The following MINK1 variants were observed in gnomAD, a reference collection of about 807,000 sequenced individuals.
The protein encoded by MINK1 is misshapen like kinase 1, also known as misshapen-like kinase 1.
A neutral mutation model predicts 178.4 loss-of-function variants in MINK1; 46 were observed. The observed-to-expected ratio is 0.26, with a 90% CI of 0.20 to 0.33. The LOEUF (loss-of-function observed/expected upper bound fraction) is 0.33, where lower values mean the gene tolerates loss of function less well. Among genes scored for constraint, MINK1 ranks in the 10% least tolerant of loss-of-function variants. The probability of loss-of-function intolerance (pLI) is 1.00; values close to 1 mark genes in which losing one functional copy is unlikely to be tolerated. For missense variants in MINK1, 1,366 were observed against 1,814.9 expected (o/e 0.75, Z 4.49); for synonymous variants, 797 against 709.7 (o/e 1.12, Z -1.96).
Position 4,893,074 on chromosome 17 carries a change from C to A in MINK1, c.2400+7C>A. ...ACGGCCAGGCCGGCCCGCAGTGAGT[C>A]ACCTGGTGGCAGGCATGGCCTGCCT... is the stretch of plus-strand genomic sequence containing the variant. On this transcript the variant is annotated splice_region_variant and intron_variant, in intron 20 of 31. Coordinates refer to ENST00000355280, the MANE Select transcript of MINK1 (RefSeq NM_153827.5). 2 of 1,556,210 alleles carry A rather than the reference C, an allele frequency of 1.3e-6. No homozygotes were observed. The highest frequency in any genetic ancestry group is 1.7e-6 in the Non-Finnish European group (2 of 1,151,858).
chr17:4,895,886 T>C lies in MINK1; in HGVS notation c.3364+54T>C. 2 of 1,595,382 alleles carry C rather than the reference T, an allele frequency of 1.3e-6. No homozygotes were observed. The highest frequency in any genetic ancestry group is 1.7e-6 in the Non-Finnish European group (2 of 1,169,272). ...GCATACTTGTTCATGAAGAGAGAAA[T>C]GGATCTGGGAGCCAGGGACTTGGGG... On this transcript the variant is annotated intron_variant, in intron 27 of 31. Coordinates refer to ENST00000355280, the MANE Select transcript of MINK1 (RefSeq NM_153827.5). The surrounding 1 kb of genome is among the most constrained non-coding windows in gnomAD (Gnocchi z 4.3).
At chr17:4,860,648 C>T in intron 1 of MINK1, 1 of 503,872 alleles carries the variant, frequency 2.0e-6, no homozygotes, top group Non-Finnish European at 4.0e-6. Flanking sequence ...GTTTTTCCTC[C>T]AGGTAGGAGC....
intron 1 of MINK1, among the ~76,000 whole-genome samples, chr17:4,840,881 G>A (rs1288466864): frequency 1.3e-5 from 2 of 152,094 alleles, no homozygotes; most frequent in African/African-American, 2.4e-5. Flanking sequence ...GGATGGCAGC[G>A]TAGAAGACGG....
intron 1 of MINK1, among the ~76,000 whole-genome samples, chr17:4,867,514 AT>A (rs2150925676): frequency 6.6e-6 from 1 of 152,184 alleles, no homozygotes; most frequent in Admixed American, 6.5e-5. Context: ...ATTTTTAAAA[AT>A]TGGGCCAGGT....
intron 1 of MINK1, among the ~76,000 whole-genome samples, chr17:4,852,391 C>T (rs113025815): frequency 1.9e-4 from 29 of 151,708 alleles, no homozygotes; most frequent in African/African-American, 6.3e-4. Context: ...ATTGGTGTCA[C>T]GAAAGAGTCA....
At chr17:4,848,429 C>T (rs958796907) in intron 1 of MINK1, among the ~76,000 whole-genome samples, 55 of 152,328 alleles carry the variant, frequency 3.6e-4, no homozygotes, top group South Asian at 4.1e-4. Flanking sequence ...GGCGTGATCT[C>T]GGCTCACTGC....
chr17:4,887,380 T>TG lies in MINK1; in HGVS notation c.1020-196dup, dbSNP rs1053963041. Among the ~76,000 whole-genome samples, 4 of 151,976 alleles carry TG rather than the reference T, an allele frequency of 2.6e-5. No homozygotes were observed. The highest frequency in any genetic ancestry group is 9.7e-5 in the African/African-American group (4 of 41,384). ...GGGAGAGAGCAATTTGTGGTGAATG[T>TG]GGGGCGCAGCAGTAATAGGAAAGGA... On this transcript the variant is annotated intron_variant, in intron 11 of 31. Transcript: ENST00000355280. This position sits in a 1 kb window ranked among gnomAD's most constrained non-coding sequence, Gnocchi z 7.6.
rs746254834 is a variant in MINK1, at chr17:4,895,969, A to G, written c.3365-34A>G. 7 of 1,573,764 alleles carry G rather than the reference A, an allele frequency of 4.4e-6. No individual in the cohort carries two copies. The highest frequency in any genetic ancestry group is 6.0e-6 in the Non-Finnish European group (7 of 1,159,838). ...GGAGGCGCCCGTGGCGCAAGAAGGG[A>G]AGTCTCAGCATCCCTCTTCTCTCCC... On this transcript the variant is annotated intron_variant, in intron 27 of 31. Coordinates refer to ENST00000355280, the MANE Select transcript of MINK1 (RefSeq NM_153827.5). The surrounding 1 kb of genome is among the most constrained non-coding windows in gnomAD (Gnocchi z 4.3).
At chr17:4,835,953 C>G (rs1355126329) in intron 1 of MINK1, among the ~76,000 whole-genome samples, 5 of 152,280 alleles carry the variant, frequency 3.3e-5, no homozygotes, top group East Asian at 3.9e-4. Flanking sequence ...TCTGCTTCCC[C>G]CTTTCCACCC....
intron 4 of MINK1, among the ~76,000 whole-genome samples, chr17:4,881,916 G>A (rs930844301): frequency 6.6e-6 from 1 of 152,288 alleles, no homozygotes; most frequent in Non-Finnish European, 1.5e-5. Context: ...GTGTGGCAAT[G>A]GCTGTCGGGA....
At chr17:4,837,629 A>G (rs986037374) in intron 1 of MINK1, among the ~76,000 whole-genome samples, 32 of 152,224 alleles carry the variant, frequency 2.1e-4, no homozygotes, top group African/African-American at 7.0e-4. Context: ...CACAAAGGAT[A>G]AATATCAGTG....
Position 4,891,706 on chromosome 17 carries a change from C to A in MINK1, c.1991C>A (p.Ala664Asp). 1 of 1,602,346 alleles carries A rather than the reference C, an allele frequency of 6.2e-7. No individual in the cohort carries two copies. Among genetic ancestry groups the A allele is most frequent in the African/African-American group, 1.3e-5 (1 of 74,880 alleles). The change falls in exon 16 of 32, where the codon GCC becomes GAC. Residue 664 changes from alanine (A) to aspartate (D), a missense_variant. Ala to Asp is a moderately radical substitution (Grantham distance 126). This residue lies in a region of MINK1 where 709 missense variants were observed against 692.3 expected (regional missense o/e 1.02). Coordinates refer to ENST00000355280, the MANE Select transcript of MINK1 (RefSeq NM_153827.5). ...GCCTGGGTCCGCCCAGATAACGAGG[C>A]CCCACCCAAGGTAAGGACAGTTCTG... ...PPAWVRPDNE[A>D]PPKVPQRTSS...
intron 1 of MINK1, among the ~76,000 whole-genome samples, chr17:4,873,638 A>ATTTTT (rs1324240619): frequency 2.4e-5 from 1 of 41,508 alleles, no homozygotes; most frequent in African/African-American, 8.9e-5. Context: ...TTTTTTTTTG[A>ATTTTT]GAAGGCGTCT....
At chr17:4,880,954 A>T in intron 2 of MINK1, 30 bp from the exon 3 acceptor site, 1 of 1,461,842 alleles carries the variant, frequency 6.8e-7, no homozygotes, top group Non-Finnish European at 9.0e-7. Flanking sequence ...CCACCCTCTG[A>T]GCATAGACTC....
At chr17:4,890,294 C>G (rs1968659458) in intron 13 of MINK1, 1 of 1,334,386 alleles carries the variant, frequency 7.5e-7, no homozygotes, top group Non-Finnish European at 9.7e-7. Flanking sequence ...GCTCCAGGAA[C>G]AGGCCCTGCT....
At chr17:4,854,254 T>C (rs1161383309) in intron 1 of MINK1, among the ~76,000 whole-genome samples, 1 of 152,104 alleles carries the variant, frequency 6.6e-6, no homozygotes, top group African/African-American at 2.4e-5. Context: ...TTCTCTACTC[T>C]GCACTGCCTG....
rs769849879 is a variant in MINK1, at chr17:4,886,606, G to A, written c.929G>A (p.Arg310Gln). Residue 310 changes from arginine (R) to glutamine (Q), a missense_variant, in exon 10 of 32, where the codon CGG becomes CAG. Arg to Gln is a conservative substitution (Grantham distance 43). Transcript: ENST00000355280. This position sits in a 1 kb window ranked among gnomAD's most constrained non-coding sequence, Gnocchi z 6.1. ...CTTAAGGACCACATTGACCGATCCC[G>A]GAAGAAGCGGGGTGAGAAAGGTCAG... Reference protein sequence around the residue: ...IQLKDHIDRSRKKRGEKEETE... With the variant: ...IQLKDHIDRSQKKRGEKEETE... 13 of 1,599,152 alleles carry A rather than the reference G, an allele frequency of 8.1e-6. No individual in the cohort carries two copies. The highest frequency in any genetic ancestry group is 1.7e-4 in the Middle Eastern group (1 of 5,964).
intron 1 of MINK1, among the ~76,000 whole-genome samples, chr17:4,838,135 C>CT (rs1321490974): frequency 2.6e-5 from 4 of 152,278 alleles, no homozygotes; most frequent in African/African-American, 9.6e-5. Flanking sequence ...TCAATAGTGA[C>CT]TTTTTTCCCC....
chr17:4,839,878 G>A (rs1909907634), intron 1 of MINK1, among the ~76,000 whole-genome samples: 1 of 151,938 alleles, frequency 6.6e-6, no homozygotes, highest in Non-Finnish European at 1.5e-5. Context: ...TAGGCACAGA[G>A]GACACAGTGG....
Sources: gnomAD v4.1 joint callset for allele counts (sites outside exome capture counted in the v4.1 genomes callset) on GRCh38, gnomAD v4.1.1 for gene constraint, gnomAD v4.1.1 regional missense constraint, Gnocchi (gnomAD v3.1) non-coding constraint, MANE v1.5 for transcripts, NCBI Gene and HGNC (gene_info 2026-07-23, HGNC 2026-07-21) for gene names.